The following SPP2 variants were observed in gnomAD, a reference collection of about 807,000 sequenced individuals.
SPP2 encodes secreted phosphoprotein 24.
SPP2 carries 34 observed loss-of-function variants against 28.8 expected under a neutral mutation model. The ratio of observed to expected loss-of-function variants is 1.18; its 90% CI spans 0.90 to 1.57. The LOEUF (loss-of-function observed/expected upper bound fraction) is 1.57, where lower values mean the gene tolerates loss of function less well. Among genes scored for constraint, SPP2 ranks in the 40% most tolerant of loss-of-function variants. SPP2 has a pLI of 0.00. For missense variants in SPP2, 269 were observed against 263.9 expected, an observed-to-expected ratio of 1.02 and a Z score of -0.13; for synonymous variants, 96 against 89.4, an observed-to-expected ratio of 1.07 and a Z score of -0.42.
rs112581330 is a variant in SPP2, at chr2:234,050,775, T to A, written c.-12T>A. The A allele has an allele frequency of 2.5e-6, 4 of 1,612,676 alleles. No homozygotes were observed. In the Admixed American group the frequency reaches 6.7e-5, roughly 27 times the overall value. On this transcript the variant is annotated 5_prime_UTR_variant, in exon 1 of 8. Coordinates refer to ENST00000168148, the MANE Select transcript of SPP2 (RefSeq NM_006944.3). The stretch of plus-strand genomic sequence containing the variant: ...CACATAGAGAGACACTCTCTGTCTC[T>A]CGATTACAATCATGATTTCCAGAAT...
rs565195355 is a variant in SPP2 at position 234,070,084 on chromosome 2, C to G, written c.*10+61C>G. ...AATAGAAGCTACGTGGAGTGAACGCCTTAAAACTGCTGACCTTCAAATATC... is the reference window on the plus strand; with the variant it reads ...AATAGAAGCTACGTGGAGTGAACGCGTTAAAACTGCTGACCTTCAAATATC... On this transcript the variant is annotated intron_variant, in intron 7 of 7. Transcript: ENST00000168148. The G allele has an allele frequency of 6.0e-6, 8 of 1,336,408 alleles. No homozygotes were observed. The East Asian group carries it at 1.9e-4, about 31-fold the overall frequency. 82.8% of individuals were successfully genotyped at this position (1,336,408 alleles called of 1,614,324 possible). A position where few individuals can be genotyped will look rare whatever the true frequency, so the allele number is the denominator to read the frequency against.
rs778761938 is a variant in SPP2, at chr2:234,069,902, C to A, written c.551-26C>A. 9 of 1,562,230 alleles carry A rather than the reference C, an allele frequency of 5.8e-6. No homozygotes were observed. The South Asian group carries it at 7.8e-5, about 14-fold the overall frequency. On this transcript the variant is annotated intron_variant, in intron 6 of 7. Transcript: ENST00000168148. ...TCAGATCTTGATGTGACTGACAGAGCCTATGCTTCCCTTTTCTATCTTTAG... is the reference window on the plus strand; with the variant it reads ...TCAGATCTTGATGTGACTGACAGAGACTATGCTTCCCTTTTCTATCTTTAG...
In SPP2 at chr2:234,076,962, CA is replaced by C. The variant is rs1273645666; in HGVS notation, c.*131del. On this transcript the variant is annotated 3_prime_UTR_variant, in exon 8 of 8. Transcript: ENST00000168148. ...CCAGGAGTCCTGGGTCCCTGGCCTC[CA>C]AAGCTGGAATGTGAACGCATGCCAC... 6.6e-6 allele frequency: 1 copy of C among 152,012 alleles called. No individual in the cohort carries two copies. The highest frequency in any genetic ancestry group is 6.6e-5 in the Admixed American group (1 of 15,258). 9.4% of individuals were successfully genotyped at this position (152,012 alleles called of 1,614,324 possible).
chr2:234,068,840 A>G (rs996794436), intron 6 of SPP2, among the ~76,000 whole-genome samples: 10 of 152,058 alleles, frequency 6.6e-5, no homozygotes, highest in Non-Finnish European at 1.5e-4. Context: ...TTGGTTATCT[A>G]TTGCTATATA....
chr2:234,058,903 G>A lies in SPP2; in HGVS notation c.278G>A (p.Arg93Lys), dbSNP rs2125455747. 1 of 1,614,116 alleles carries A rather than the reference G, an allele frequency of 6.2e-7. No homozygotes were observed. Among genetic ancestry groups the A allele is most frequent in the East Asian group, 2.2e-5 (1 of 44,874 alleles). ...LEFSIRETTC[R>K]KDSGEDPATC... ...TTCAGCATCCGGGAGACTACATGCA[G>A]GAAGGATTCTGGAGAAGATCCCGCT... The change falls in exon 3 of 8, where the codon AGG becomes AAG. Residue 93 changes from arginine (R) to lysine (K), a missense_variant. Physicochemically the swap from Arg to Lys is conservative, Grantham distance 26. Transcript: ENST00000168148.
At chr2:234,060,331 A>T in intron 3 of SPP2, 38 bp from the exon 4 acceptor site, 2 of 1,454,576 alleles carry the variant, frequency 1.4e-6, no homozygotes, top group Non-Finnish European at 1.9e-6. Flanking sequence ...CTTTCCACAA[A>T]CAGCTGAAGA....
At chr2:234,053,969 T>G (rs1693552991) in intron 2 of SPP2, among the ~76,000 whole-genome samples, 1 of 152,088 alleles carries the variant, frequency 6.6e-6, no homozygotes, top group African/African-American at 2.4e-5. Context: ...AGGACACAGT[T>G]AAATAAACCA....
intron 5 of SPP2, 139 bp from the exon 6 acceptor site, chr2:234,067,085 G>T: frequency 1.2e-6 from 1 of 821,420 alleles, no homozygotes; most frequent in Admixed American, 2.1e-5. Context: ...TCCTATTAGT[G>T]CTGACGGCAA....
chr2:234,062,948 A>G (rs1032275842), intron 4 of SPP2, among the ~76,000 whole-genome samples: 5 of 152,194 alleles, frequency 3.3e-5, no homozygotes, highest in African/African-American at 1.2e-4. Context: ...AGATCTTAAA[A>G]TAAACTCTCT....
At chr2:234,062,394 T>C (rs1215712713) in intron 4 of SPP2, among the ~76,000 whole-genome samples, 2 of 152,130 alleles carry the variant, frequency 1.3e-5, no homozygotes, top group East Asian at 3.9e-4. Flanking sequence ...GGAAAGCTGG[T>C]GGGTTGAAAT....
chr2:234,076,427 G>A (rs1398637074), intron 7 of SPP2, among the ~76,000 whole-genome samples: 1 of 152,110 alleles, frequency 6.6e-6, no homozygotes, highest in Non-Finnish European at 1.5e-5. Flanking sequence ...TCTGGAATTG[G>A]CATTTATCAA....
intron 2 of SPP2, among the ~76,000 whole-genome samples, chr2:234,054,510 G>A (rs1411195976): frequency 6.6e-6 from 1 of 152,162 alleles, no homozygotes; most frequent in African/African-American, 2.4e-5. Context: ...TGCCAGCATG[G>A]TCTGGTTCTG....
chr2:234,076,458 A>C, intron 7 of SPP2, among the ~76,000 whole-genome samples: 2 of 150,684 alleles, frequency 1.3e-5, no homozygotes, highest in African/African-American at 2.4e-5. Flanking sequence ...AACTACTTCC[A>C]CCCCCTTCAC....
At position 234,050,732 on chromosome 2, in the gene SPP2, AG is replaced by A; in HGVS notation, c.-54del. On this transcript the variant is annotated 5_prime_UTR_variant, in exon 1 of 8. Coordinates refer to ENST00000168148, the MANE Select transcript of SPP2 (RefSeq NM_006944.3). ...TTGATAAAGACAGCTCCTCTTAGGA[AG>A]AACTGTCATCCCCAAACACATAGAG... 1 of 1,488,806 alleles carries A rather than the reference AG, an allele frequency of 6.7e-7. No individual in the cohort carries two copies. Among genetic ancestry groups the A allele is most frequent in the Admixed American group, 1.7e-5 (1 of 59,462 alleles). 92.2% of individuals were successfully genotyped at this position (1,488,806 alleles called of 1,614,324 possible).
At chr2:234,066,442 A>G in intron 4 of SPP2, 91 bp from the exon 5 acceptor site, 1 of 989,502 alleles carries the variant, frequency 1.0e-6, no homozygotes, top group Non-Finnish European at 1.6e-6. Flanking sequence ...AACATATATC[A>G]GAGTCTTCCA....
intron 7 of SPP2, among the ~76,000 whole-genome samples, chr2:234,074,996 A>G: frequency 1.0e-5 from 1 of 97,284 alleles, no homozygotes; most frequent in Admixed American, 1.1e-4. Flanking sequence ...AAAGCACAAA[A>G]ATGCAAAAAA....
chr2:234,059,944 T>C (rs181790687), intron 3 of SPP2, among the ~76,000 whole-genome samples: 9 of 152,340 alleles, frequency 5.9e-5, no homozygotes, highest in African/African-American at 2.2e-4. Context: ...TGATTTGTTA[T>C]TTGTTTCATG....
At chr2:234,069,177 TGA>T (rs1693884779) in intron 6 of SPP2, among the ~76,000 whole-genome samples, 1 of 142,704 alleles carries the variant, frequency 7.0e-6, no homozygotes, top group African/African-American at 2.6e-5. Flanking sequence ...CCCCCAGAGA[TGA>T]TTATTTGAGA....
intron 4 of SPP2, among the ~76,000 whole-genome samples, chr2:234,063,656 A>G (rs989329974): frequency 5.9e-5 from 9 of 152,224 alleles, no homozygotes; most frequent in African/African-American, 2.2e-4. Context: ...ATGGTGCATA[A>G]GCACTCACTC....
Sources: gnomAD v4.1 joint callset for allele counts (sites outside exome capture counted in the v4.1 genomes callset) on GRCh38, gnomAD v4.1.1 for gene constraint, MANE v1.5 for transcripts, NCBI Gene and HGNC (gene_info 2026-07-23, HGNC 2026-07-21) for gene names.